REST: variants seen among roughly 807,000 people sequenced by gnomAD.
REST encodes RE1 silencing transcription factor.
In REST, 1 loss-of-function variant was observed where a neutral mutation model predicts 30.4. That is an observed-to-expected ratio of 0.03 (90% confidence interval 0.01 to 0.16). The LOEUF (loss-of-function observed/expected upper bound fraction) is 0.16, where lower values mean the gene tolerates loss of function less well. Among genes scored for constraint, REST ranks in the 10% least tolerant of loss-of-function variants. REST has a pLI of 1.00. For synonymous variants in REST, 504 were observed against 451.1 expected (o/e 1.12, Z -1.49); for missense variants, 1,259 against 1,329.5 (o/e 0.95, Z 0.82).
At chr4:56,926,123 G>A (rs755214146) in intron 3 of REST, among the ~76,000 whole-genome samples, 16 of 152,082 alleles carry the variant, frequency 1.1e-4, no homozygotes, top group East Asian at 1.9e-4. Flanking sequence ...GCAATGGCAC[G>A]ATTTCAGCTC....
chr4:56,926,448 C>T (rs1720715395), intron 3 of REST, among the ~76,000 whole-genome samples: 1 of 151,466 alleles, frequency 6.6e-6, no homozygotes, highest in Non-Finnish European at 1.5e-5. Flanking sequence ...GCGATCTCGG[C>T]TCACTGCACC....
chr4:56,927,174 G>T (rs1003522782), intron 3 of REST, among the ~76,000 whole-genome samples: 8 of 151,970 alleles, frequency 5.3e-5, no homozygotes, highest in African/African-American at 1.9e-4. Flanking sequence ...TGAGCAACTT[G>T]CAGAGCTCAT....
At position 56,932,850 on chromosome 4, in the gene REST, T is replaced by G. The variant is rs756962604; in HGVS notation, c.*698T>G. On this transcript the variant is annotated 3_prime_UTR_variant, in exon 4 of 4. Transcript: ENST00000309042. The stretch of plus-strand genomic sequence containing the variant: ...AGTTAAATTTTTCCTAGAAATAGCA[T>G]TTGTGTTGAACAGTAACACTTTATA... 1.3e-5 allele frequency: 2 copies of G among 152,218 alleles called. No homozygotes were observed. Among genetic ancestry groups the G allele is most frequent in the Non-Finnish European group, 2.9e-5 (2 of 68,042 alleles). The allele number at this position is 152,218 out of a possible 1,614,324, so 9.4% of individuals were successfully genotyped here. A position where few individuals can be genotyped will look rare whatever the true frequency, so the allele number is the denominator to read the frequency against.
intron 2 of REST, among the ~76,000 whole-genome samples, chr4:56,914,078 C>T (rs768981984): frequency 2.0e-5 from 3 of 151,954 alleles, no homozygotes; most frequent in Non-Finnish European, 4.4e-5. Flanking sequence ...GGACCACAGA[C>T]GCATGCCACC....
chr4:56,928,763 AT>A (rs1414966158), intron 3 of REST, among the ~76,000 whole-genome samples: 1 of 150,760 alleles, frequency 6.6e-6, no homozygotes, highest in Non-Finnish European at 1.5e-5. Context: ...ATTTTTTTAT[AT>A]TTTTAGTAGA....
chr4:56,929,730 T>TA, intron 3 of REST, 111 bp from the exon 4 acceptor site: 3 of 882,374 alleles, frequency 3.4e-6, no homozygotes, highest in Non-Finnish European at 5.1e-6. Context: ...AGGTGCATGA[T>TA]ACAGCATTTT....
In REST at chr4:56,911,485, T is replaced by C. The variant is rs767179173; in HGVS notation, c.847T>C (p.Tyr283His). Residue 283 changes from tyrosine (Y) to histidine (H), a missense_variant, in exon 2 of 4, where the codon TAT (tyrosine) becomes CAT (histidine). By Grantham distance (83) the Tyr-to-His change is moderately conservative. Coordinates refer to ENST00000309042, the MANE Select transcript of REST (RefSeq NM_005612.5). The stretch of plus-strand genomic sequence containing the variant: ...AGTATACACATGTGGAAAATGCAAC[T>C]ATTTTTCAGACAGAAAAAACAATTA... ...RKVYTCGKCNYFSDRKNNYVQ... is the reference protein window; with the variant it reads ...RKVYTCGKCNHFSDRKNNYVQ... The C allele has an allele frequency of 6.2e-7, 1 of 1,614,044 alleles. No homozygotes were observed. The highest frequency in any genetic ancestry group is 8.5e-7 in the Non-Finnish European group (1 of 1,179,932).
intron 2 of REST, among the ~76,000 whole-genome samples, chr4:56,915,813 C>T (rs1378855849): frequency 6.6e-6 from 1 of 152,108 alleles, no homozygotes; most frequent in Non-Finnish European, 1.5e-5. Context: ...TTCTTGTGCC[C>T]TTCTATTCTG....
In REST at chr4:56,930,496, G is replaced by C. The variant is rs765932585; in HGVS notation, c.1638G>C (p.Lys546Asn). Residue 546 changes from lysine to asparagine, a missense_variant, in exon 4 of 4, where the codon AAG becomes AAC. Transcript: ENST00000309042. ...DEESSTKKKKKVESKSKNNSQ... is the reference protein window; with the variant it reads ...DEESSTKKKKNVESKSKNNSQ... The stretch of plus-strand genomic sequence containing the variant: ...AATCTTCAACAAAAAAGAAAAAGAA[G>C]GTAGAAAGCAAATCCAAAAATAATA... The C allele has an allele frequency of 6.2e-7, 1 of 1,611,456 alleles. No individual in the cohort carries two copies. The highest frequency in any genetic ancestry group is 1.1e-5 in the South Asian group (1 of 90,208).
chr4:56,913,519 G>T (rs909776253), intron 2 of REST, among the ~76,000 whole-genome samples: 1 of 152,198 alleles, frequency 6.6e-6, no homozygotes, highest in Non-Finnish European at 1.5e-5. Context: ...TGAATAGGGG[G>T]TGTGGGATGC....
At chr4:56,913,132 C>T (rs376552747) in intron 2 of REST, among the ~76,000 whole-genome samples, 1 of 152,022 alleles carries the variant, frequency 6.6e-6, no homozygotes, top group South Asian at 2.1e-4. Context: ...TATTCAGCTG[C>T]TGTTCACTGT....
At chr4:56,923,322 C>T (rs1720537238) in intron 3 of REST, among the ~76,000 whole-genome samples, 2 of 152,198 alleles carry the variant, frequency 1.3e-5, no homozygotes, top group African/African-American at 4.8e-5. Context: ...GGCTGGAATG[C>T]AGTGATGCGA....
At position 56,910,845 on chromosome 4, in the gene REST, A is replaced by G. The variant is rs1446206371; in HGVS notation, c.207A>G (p.Glu69=). 2 of 1,614,228 alleles carry G rather than the reference A, an allele frequency of 1.2e-6. No homozygotes were observed. Among genetic ancestry groups the G allele is most frequent in the Non-Finnish European group, 1.7e-6 (2 of 1,180,048 alleles). Residue 69 remains glutamate (E), a synonymous_variant, in exon 2 of 4, where the codon GAA becomes GAG. Coordinates refer to ENST00000309042, the MANE Select transcript of REST (RefSeq NM_005612.5). ...GCTGCTGTGATTACCTGGTCGGTGA[A>G]GAAAGACAGATGGCAGAACTGATGC... is the stretch of plus-strand genomic sequence containing the variant. ...NGSCCDYLVG[E]ERQMAELMPV...
rs768565370 is a variant in REST at position 56,911,233 on chromosome 4, A to G, written c.595A>G (p.Arg199Gly). The change falls in exon 2 of 4, where the codon AGG becomes GGG. Residue 199 changes from arginine to glycine, a missense_variant. By Grantham distance (125) the Arg-to-Gly change is moderately radical (BLOSUM62 -2). Coordinates refer to ENST00000309042, the MANE Select transcript of REST (RefSeq NM_005612.5). The part of the protein sequence containing the change: ...EESAEKQAKA[R>G]ESGSSTAEEG... ...GAGTGCAGAGAAGCAGGCAAAAGCC[A>G]GGGAATCTGGCTCTTCCACTGCAGA... is the stretch of plus-strand genomic sequence containing the variant. 6.8e-6 allele frequency: 11 copies of G among 1,614,102 alleles called. No individual in the cohort carries two copies. In the Admixed American group the frequency reaches 1.7e-4, roughly 24 times the overall value.
At chr4:56,919,396 C>T (rs779957611) in intron 2 of REST, among the ~76,000 whole-genome samples, 3 of 151,822 alleles carry the variant, frequency 2.0e-5, no homozygotes, top group Non-Finnish European at 2.9e-5. Flanking sequence ...ACCTAAAAAC[C>T]GGTGTTAATA....
chr4:56,930,794 C>T lies in REST; in HGVS notation c.1936C>T (p.Pro646Ser), dbSNP rs750298956. 1.7e-5 allele frequency: 27 copies of T among 1,606,006 alleles called. No homozygotes were observed. Among genetic ancestry groups the T allele is most frequent in the African/African-American group, 1.3e-4 (10 of 74,488 alleles). ...HAQMEGAQIR[P>S]APDEPVQMEV... ...TCAGATGGAGGGTGCCCAGATACGG[C>T]CTGCTCCTGACGAGCCTGTTCAGAT... Residue 646 changes from proline (P) to serine (S), a missense_variant, in exon 4 of 4, where the codon CCT becomes TCT. This residue lies in a region of REST where 856 missense variants were observed against 772.8 expected (regional missense o/e 1.11). Coordinates refer to ENST00000309042, the MANE Select transcript of REST (RefSeq NM_005612.5).
chr4:56,926,747 A>G (rs1211064209), intron 3 of REST, among the ~76,000 whole-genome samples: 1 of 152,090 alleles, frequency 6.6e-6, no homozygotes, highest in Non-Finnish European at 1.5e-5. Flanking sequence ...CTCCATGTTA[A>G]GGACTTTACA....
At position 56,934,563 on chromosome 4, in the gene REST, C is replaced by T. The variant is rs1209151129; in HGVS notation, c.*2411C>T. ...TGTCAGGCCTATATTAGGTTCTGAA[C>T]CTTAATGCCATGTATTTGTACTTAC... On this transcript the variant is annotated 3_prime_UTR_variant, in exon 4 of 4. Coordinates refer to ENST00000309042, the MANE Select transcript of REST (RefSeq NM_005612.5). 6.6e-6 allele frequency: 1 copy of T among 152,094 alleles called. No individual in the cohort carries two copies. The highest frequency in any genetic ancestry group is 1.5e-5 in the Non-Finnish European group (1 of 67,998). The allele number at this position is 152,094 out of a possible 1,614,324, so 9.4% of individuals were successfully genotyped here. A position where few individuals can be genotyped will look rare whatever the true frequency, so the allele number is the denominator to read the frequency against.
Position 56,910,704 on chromosome 4 carries a change from T to A in REST, c.66T>A (p.Ile22=), listed in dbSNP as rs1398412085. Residue 22 remains isoleucine, a synonymous_variant, in exon 2 of 4, where the codon ATT becomes ATA. Coordinates refer to ENST00000309042, the MANE Select transcript of REST (RefSeq NM_005612.5). The part of the protein sequence containing the change: ...GGGLFTSSGN[I]GMALPNDMYD... ...GGCTGTTTACCAGCAGTGGCAACAT[T>A]GGAATGGCCCTGCCTAACGACATGT... The A allele has an allele frequency of 6.2e-7, 1 of 1,614,052 alleles. No homozygotes were observed.
Sources: gnomAD v4.1 joint callset for allele counts (sites outside exome capture counted in the v4.1 genomes callset) on GRCh38, gnomAD v4.1.1 for gene constraint, gnomAD v4.1.1 regional missense constraint, MANE v1.5 for transcripts, NCBI Gene and HGNC (gene_info 2026-07-23, HGNC 2026-07-21) for gene names.